Variants in RGS7 observed in about 807,000 individuals in gnomAD.
The protein encoded by RGS7 is regulator of G-protein signaling 7.
RGS7 carries 27 observed loss-of-function variants against 81.1 expected under a neutral mutation model. The observed-to-expected ratio is 0.33, with a 90% CI of 0.25 to 0.46. RGS7 has a LOEUF of 0.46. RGS7 is among the 20% of genes least tolerant of loss of function. The probability of loss-of-function intolerance (pLI) is 1.00; values close to 1 mark genes in which losing one functional copy is unlikely to be tolerated. For missense variants in RGS7, 396 were observed against 607.4 expected, an observed-to-expected ratio of 0.65 and a Z score of 3.66; for synonymous variants, 208 against 207.7, an observed-to-expected ratio of 1.00 and a Z score of -0.01.
chr1:241,346,822 G>GA (rs1325339330), intron 2 of RGS7, among the ~76,000 whole-genome samples: 13 of 152,020 alleles, frequency 8.6e-5, no homozygotes, highest in African/African-American at 3.1e-4. Context: ...TCAACCAAAA[G>GA]CCTAAAAACA....
At chr1:240,836,437 GA>G (rs767433617) in intron 9 of RGS7, among the ~76,000 whole-genome samples, 2 of 152,184 alleles carry the variant, frequency 1.3e-5, no homozygotes, top group African/African-American at 2.4e-5. Flanking sequence ...GAGATGATGT[GA>G]AGTGGTTGCA....
chr1:241,232,380 T>C (rs560931507), intron 2 of RGS7, among the ~76,000 whole-genome samples: 2 of 150,836 alleles, frequency 1.3e-5, no homozygotes, highest in Non-Finnish European at 2.9e-5. Context: ...ATACATATAT[T>C]TTTTTTTGGA....
At chr1:240,780,775 G>GTGGT (rs1275514219) in intron 18 of RGS7, among the ~76,000 whole-genome samples, 13 of 151,806 alleles carry the variant, frequency 8.6e-5, no homozygotes, top group African/African-American at 3.1e-4. Flanking sequence ...TTAGCTGGGC[G>GTGGT]TGGTGGTGCG....
chr1:240,935,565 C>T (rs1676479145), intron 5 of RGS7, among the ~76,000 whole-genome samples: 1 of 152,118 alleles, frequency 6.6e-6, no homozygotes. Context: ...AACTGTCCTA[C>T]GATTATTTGC....
chr1:240,974,990 C>A (rs927755784), intron 4 of RGS7, among the ~76,000 whole-genome samples: 10 of 152,024 alleles, frequency 6.6e-5, no homozygotes, highest in Non-Finnish European at 1.5e-5. Context: ...TCAAGCATGT[C>A]TGCAAAGCTC....
chr1:241,084,030 G>A (rs2148904016), intron 3 of RGS7, among the ~76,000 whole-genome samples: 1 of 152,204 alleles, frequency 6.6e-6, no homozygotes, highest in East Asian at 1.9e-4. Context: ...TAATAAGCAG[G>A]CTTAAGTTAT....
chr1:241,178,760 G>A (rs1050621818), intron 2 of RGS7, among the ~76,000 whole-genome samples: 9 of 152,272 alleles, frequency 5.9e-5, no homozygotes, highest in African/African-American at 2.2e-4. Context: ...GGTTTGATAC[G>A]ATACCAGAAT....
intron 2 of RGS7, among the ~76,000 whole-genome samples, chr1:241,101,756 C>G (rs907851246): frequency 6.6e-6 from 1 of 152,182 alleles, no homozygotes; most frequent in Non-Finnish European, 1.5e-5. Context: ...TCATATCAGC[C>G]TCTAAACCCT....
chr1:240,849,495 T>C (rs1659698233), intron 9 of RGS7, among the ~76,000 whole-genome samples: 1 of 152,194 alleles, frequency 6.6e-6, no homozygotes, highest in Non-Finnish European at 1.5e-5. Flanking sequence ...CCAACTGATA[T>C]GGTTTAGATA....
At chr1:241,174,895 G>GTTTTTTTTTTTTTTTTTTTTTTT (rs551122102) in intron 2 of RGS7, among the ~76,000 whole-genome samples, 1 of 69,230 alleles carries the variant, frequency 1.4e-5, no homozygotes, top group African/African-American at 6.0e-5. Context: ...ACAGAATTTT[G>GTTTTTTTTTTTTTTTTTTTTTTT]TTTTTTTTTT....
rs1044885455 is a variant in RGS7 at position 241,221,237 on chromosome 1, T to C, written c.79-122475A>G. ...GAGACATGAATCTAAGCTAAAAAATTAGACAAAGATTAGGTTCTGCACTTC... is the reference window on the plus strand; with the variant it reads ...GAGACATGAATCTAAGCTAAAAAATCAGACAAAGATTAGGTTCTGCACTTC... On this transcript the variant is annotated intron_variant, in intron 2 of 18. Transcript: ENST00000440928. Among the ~76,000 whole-genome samples, 3 of 152,022 alleles carry C rather than the reference T, an allele frequency of 2.0e-5. No individual in the cohort carries two copies. The South Asian group carries it at 6.2e-4, about 32-fold the overall frequency.
At position 241,283,910 on chromosome 1, in the gene RGS7, A is replaced by G. The variant is rs2078659470; in HGVS notation, c.78+71789T>C. 2.6e-5 allele frequency among the ~76,000 whole-genome samples: 4 copies of G among 152,266 alleles called. No homozygotes were observed. The South Asian group carries it at 8.3e-4, about 32-fold the overall frequency. On this transcript the variant is annotated intron_variant, in intron 2 of 18. Transcript: ENST00000440928. ...CCTTCTTCATTCCACTGATGAGCCA[A>G]TCCACTGAGCTTTTCTTTGGTTATT... is the stretch of plus-strand genomic sequence containing the variant.
intron 3 of RGS7, among the ~76,000 whole-genome samples, chr1:241,076,746 A>G (rs2062828525): frequency 6.6e-6 from 1 of 152,222 alleles, no homozygotes; most frequent in South Asian, 2.1e-4. Flanking sequence ...TTCTGTTTAC[A>G]TTCTGATAAT....
chr1:241,160,110 C>CAAAAAAAAAAAAA (rs369734662), intron 2 of RGS7, among the ~76,000 whole-genome samples: 15 of 55,966 alleles, frequency 2.7e-4, no homozygotes, highest in Non-Finnish European at 4.2e-4. Context: ...GACTCCATCT[C>CAAAAAAAAAAAAA]AAAAAAAAAA....
chr1:241,147,378 C>T (rs1371956753), intron 2 of RGS7, among the ~76,000 whole-genome samples: 1 of 152,144 alleles, frequency 6.6e-6, no homozygotes, highest in East Asian at 1.9e-4. Context: ...AGTTTCACCA[C>T]CATTACAGTT....
intron 2 of RGS7, among the ~76,000 whole-genome samples, chr1:241,134,880 G>A (rs948920331): frequency 6.6e-6 from 1 of 152,132 alleles, no homozygotes; most frequent in Non-Finnish European, 1.5e-5. Flanking sequence ...AATCAGCAGC[G>A]TGGGTCAGCA....
At chr1:241,105,719 A>G (rs2065051268) in intron 2 of RGS7, among the ~76,000 whole-genome samples, 2 of 152,240 alleles carry the variant, frequency 1.3e-5, no homozygotes. Context: ...CGCTTTACAG[A>G]GACACCATGA....
chr1:240,857,062 C>T (rs1661270305), intron 9 of RGS7, among the ~76,000 whole-genome samples: 1 of 152,040 alleles, frequency 6.6e-6, no homozygotes, highest in Non-Finnish European at 1.5e-5. Context: ...TATAGGTGGA[C>T]CTGATGTTAG....
chr1:240,869,993 G>T, intron 7 of RGS7, 62 bp downstream of exon 7: 2 of 1,297,266 alleles, frequency 1.5e-6, no homozygotes, highest in Non-Finnish European at 2.2e-6. Flanking sequence ...CCCAGAAAAG[G>T]CTGTGGGCCT....
Sources: gnomAD v4.1 joint callset for allele counts (sites outside exome capture counted in the v4.1 genomes callset) on GRCh38, gnomAD v4.1.1 for gene constraint, MANE v1.5 for transcripts, NCBI Gene and HGNC (gene_info 2026-07-23, HGNC 2026-07-21) for gene names.